Variants in SLC22A24 observed in about 807,000 individuals in gnomAD.
SLC22A24 encodes the protein steroid transmembrane transporter SLC22A24.
Under a neutral mutation model 49.8 loss-of-function variants are expected in SLC22A24, and 53 were observed. That is an observed-to-expected ratio of 1.06 (90% CI 0.85 to 1.34). The LOEUF (loss-of-function observed/expected upper bound fraction) is 1.34, where lower values mean the gene tolerates loss of function less well. Among genes scored for constraint, SLC22A24 ranks in the 40% most tolerant of loss-of-function variants. The pLI is 0.00. For synonymous variants in SLC22A24, 302 were observed against 256.4 expected, an observed-to-expected ratio of 1.18 and a Z score of -1.70; for missense variants, 786 against 675.9, an observed-to-expected ratio of 1.16 and a Z score of -1.81.
intron 2 of SLC22A24, among the ~76,000 whole-genome samples, chr11:63,124,251 A>T (rs914997591): frequency 6.6e-6 from 1 of 152,194 alleles, no homozygotes; most frequent in Non-Finnish European, 1.5e-5. Context: ...AAGAAAACTT[A>T]GATTTTATTC....
chr11:63,113,057 TATATATATATAC>T (rs2087180831), intron 4 of SLC22A24, among the ~76,000 whole-genome samples: 1 of 2,038 alleles, frequency 4.9e-4, no homozygotes, highest in African/African-American at 5.7e-4. Context: ...TATATATACA[TATATATATATAC>T]ATATATATAC....
At chr11:63,109,913 G>A (rs1481645691) in intron 4 of SLC22A24, among the ~76,000 whole-genome samples, 1 of 151,990 alleles carries the variant, frequency 6.6e-6, no homozygotes, top group East Asian at 1.9e-4. Context: ...TAGACATGAG[G>A]TCCTTGCCCA....
intron 4 of SLC22A24, among the ~76,000 whole-genome samples, chr11:63,105,258 C>G (rs971161943): frequency 3.3e-5 from 5 of 152,148 alleles, no homozygotes; most frequent in Non-Finnish European, 5.9e-5. Flanking sequence ...ATGGTGCAAG[C>G]TGTTGGTGGA....
Position 63,122,464 on chromosome 11 carries a change from G to T in SLC22A24, c.507-3129C>A, listed in dbSNP as rs182469113. On this transcript the variant is annotated intron_variant, in intron 2 of 9. Coordinates refer to ENST00000612278, the MANE Select transcript of SLC22A24 (RefSeq NM_001136506.2). ...ATGACTAATGTGTTAGGGCTAAGAT[G>T]AAGCTGGTGTTTGATGAAGATAAAC... 5.2e-3 allele frequency among the ~76,000 whole-genome samples: 799 copies of T among 152,300 alleles called. 2 individuals are homozygous for T. Among genetic ancestry groups the T allele is most frequent in the Non-Finnish European group, 7.6e-3 (520 of 68,018 alleles).
At chr11:63,108,346 T>C (rs1284456242) in intron 4 of SLC22A24, among the ~76,000 whole-genome samples, 1 of 152,218 alleles carries the variant, frequency 6.6e-6, no homozygotes, top group Non-Finnish European at 1.5e-5. Flanking sequence ...CAGTATTTTA[T>C]TGAGGATTTT....
chr11:63,143,326 A>T, intron 1 of SLC22A24, 52 bp downstream of exon 1: 1 of 1,378,724 alleles, frequency 7.3e-7, no homozygotes, highest in Non-Finnish European at 9.4e-7. Context: ...TTTTTGTGTT[A>T]ACTCCAAACA....
At chr11:63,082,041 T>G (rs1337340211) in intron 7 of SLC22A24, among the ~76,000 whole-genome samples, 1 of 152,220 alleles carries the variant, frequency 6.6e-6, no homozygotes. Flanking sequence ...ATTTTAATTT[T>G]TTCTATGTAA....
At position 63,128,474 on chromosome 11, in the gene SLC22A24, TCA is replaced by T. The variant is rs541352781; in HGVS notation, c.506+6189_506+6190del. Among the ~76,000 whole-genome samples the T allele has an allele frequency of 2.3e-4, 35 of 152,110 alleles. No individual in the cohort carries two copies. In the East Asian group the frequency reaches 5.3e-3, roughly 23 times the overall value. On this transcript the variant is annotated intron_variant, in intron 2 of 9. Coordinates refer to ENST00000612278, the MANE Select transcript of SLC22A24 (RefSeq NM_001136506.2). ...ACCACCTCTTGTGGAGGGCCTGACA[TCA>T]GTCAGGCCCACCTGCAGTTATCCGG...
At chr11:63,101,601 A>G (rs1022161912) in intron 5 of SLC22A24, among the ~76,000 whole-genome samples, 2 of 152,100 alleles carry the variant, frequency 1.3e-5, no homozygotes, top group Non-Finnish European at 2.9e-5. Context: ...TTTTTATCCA[A>G]AGGAAATGAA....
chr11:63,083,104 A>C, intron 7 of SLC22A24, 139 bp downstream of exon 7: 1 of 693,640 alleles, frequency 1.4e-6, no homozygotes, highest in Non-Finnish European at 2.5e-6. Flanking sequence ...AATCAGTTCC[A>C]AACCCTCATA....
intron 1 of SLC22A24, among the ~76,000 whole-genome samples, chr11:63,140,082 T>C (rs1353061894): frequency 1.7e-5 from 1 of 59,812 alleles, no homozygotes; most frequent in African/African-American, 4.2e-5. Flanking sequence ...TTTGTTTTTT[T>C]TTTTTGTTTT....
rs11231341 is a variant in SLC22A24 at position 63,081,015 on chromosome 11, A to C, written c.1503T>G (p.Tyr501Ter). 1,243,988 of 1,551,128 alleles carry C rather than the reference A, an allele frequency of 0.8. 500,678 individuals are homozygous for C. The highest frequency in any genetic ancestry group is 0.86 in the Admixed American group (43,934 of 50,972). Reference protein sequence around the residue: ...AYSPHLPWISYGVFPILAVPV... With the variant: ...AYSPHLPWIS ...GGACAGCAAGGATGGGGAAGACTCCATAGGAAATCCAGGGTAGGTGGGGAG... is the reference window on the plus strand; with the variant it reads ...GGACAGCAAGGATGGGGAAGACTCCCTAGGAAATCCAGGGTAGGTGGGGAG... Residue 501 changes from tyrosine to a stop codon, truncating the protein, a stop_gained, in exon 9 of 10, where the codon TAT becomes TAG. Coordinates refer to ENST00000612278, the MANE Select transcript of SLC22A24 (RefSeq NM_001136506.2). LOFTEE classifies it high-confidence loss of function.
intron 2 of SLC22A24, among the ~76,000 whole-genome samples, chr11:63,133,437 C>T (rs1012004249): frequency 1.3e-5 from 2 of 152,094 alleles, no homozygotes; most frequent in Admixed American, 6.5e-5. Context: ...TCCTATTCAG[C>T]CATCTTGGAA....
chr11:63,112,012 C>G (rs2087169117), intron 4 of SLC22A24, among the ~76,000 whole-genome samples: 1 of 151,956 alleles, frequency 6.6e-6, no homozygotes. Flanking sequence ...CCTCTACACA[C>G]TGCTTTGAAT....
chr11:63,122,917 G>GA (rs1277711525), intron 2 of SLC22A24, among the ~76,000 whole-genome samples: 1 of 152,126 alleles, frequency 6.6e-6, no homozygotes, highest in East Asian at 1.9e-4. Flanking sequence ...AGAATGGGGT[G>GA]ATTAGCATAC....
intron 2 of SLC22A24, among the ~76,000 whole-genome samples, chr11:63,134,117 GAGTGCCACA>G (rs1261944464): frequency 1.3e-5 from 2 of 152,140 alleles, no homozygotes; most frequent in Non-Finnish European, 2.9e-5. Context: ...CCTATCCTGT[GAGTGCCACA>G]GTGCTGCACA....
chr11:63,086,348 T>C (rs1445344590), intron 6 of SLC22A24, among the ~76,000 whole-genome samples: 1 of 152,204 alleles, frequency 6.6e-6, no homozygotes, highest in African/African-American at 2.4e-5. Context: ...TGGAATACTA[T>C]GCAGCCATAA....
chr11:63,104,649 G>C (rs1453133039), intron 4 of SLC22A24, among the ~76,000 whole-genome samples: 2 of 152,082 alleles, frequency 1.3e-5, no homozygotes, highest in African/African-American at 4.8e-5. Flanking sequence ...TGTCTTACCT[G>C]GTGGCAGGCA....
chr11:63,105,971 T>C (rs919326783), intron 4 of SLC22A24, among the ~76,000 whole-genome samples: 2 of 152,198 alleles, frequency 1.3e-5, no homozygotes, highest in Non-Finnish European at 2.9e-5. Context: ...AGGGTACATG[T>C]GCACAATGTG....
Sources: gnomAD v4.1 joint callset for allele counts (sites outside exome capture counted in the v4.1 genomes callset) on GRCh38, gnomAD v4.1.1 for gene constraint, MANE v1.5 for transcripts, NCBI Gene and HGNC (gene_info 2026-07-23, HGNC 2026-07-21) for gene names.